The following CACNA1D variants were observed in gnomAD, a reference collection of about 807,000 sequenced individuals.
CACNA1D encodes calcium voltage-gated channel subunit alpha1 D, also known as voltage-dependent L-type calcium channel subunit alpha-1D.
In CACNA1D, 55 loss-of-function variants were observed where a neutral mutation model predicts 257.1. The observed-to-expected ratio is 0.21, with a 90% confidence interval of 0.17 to 0.27. CACNA1D has a LOEUF of 0.27. CACNA1D is among the 10% of genes least tolerant of loss of function. The pLI is 1.00. For synonymous variants in CACNA1D, 980 were observed against 1,014.9 expected (o/e 0.97, Z 0.65); for missense variants, 1,876 against 2,784.0 (o/e 0.67, Z 7.34).
intron 39 of CACNA1D, chr3:53,782,438 G>A (rs1321557336): frequency 4.6e-5 from 7 of 151,950 alleles, no homozygotes; most frequent in East Asian, 1.9e-4. Context: ...TCCTTGGGCC[G>A]GGCACGTGAT....
intron 3 of CACNA1D, among the ~76,000 whole-genome samples, chr3:53,579,934 C>T (rs1353311738): frequency 6.6e-6 from 1 of 152,230 alleles, no homozygotes; most frequent in Non-Finnish European, 1.5e-5. Context: ...CCAGTGGGGC[C>T]AGGGCAGGGC....
chr3:53,646,078 T>A (rs2094017013), intron 3 of CACNA1D, among the ~76,000 whole-genome samples: 1 of 152,198 alleles, frequency 6.6e-6, no homozygotes, highest in Admixed American at 6.5e-5. Context: ...GCAGGCACCC[T>A]TGGTGGATAA....
chr3:53,805,200 TC>T, intron 45 of CACNA1D, 54 bp downstream of exon 45: 1 of 1,555,376 alleles, frequency 6.4e-7, no homozygotes, highest in Non-Finnish European at 8.8e-7. Context: ...AGTGTACCTC[TC>T]CCCCAACCCC....
intron 30 of CACNA1D, 87 bp downstream of exon 30, chr3:53,762,168 C>A: frequency 1.2e-6 from 1 of 847,218 alleles, no homozygotes; most frequent in South Asian, 1.3e-5. Context: ...GTGGCATCAC[C>A]TGGACAAGTC....
At position 53,497,246 on chromosome 3, in the gene CACNA1D, A is replaced by G. The variant is rs769218354; in HGVS notation, c.162A>G (p.Gln54=). Residue 54 remains glutamine (Q), a synonymous_variant, in exon 2 of 48, where the codon CAA becomes CAG. Coordinates refer to ENST00000350061, the MANE Select transcript of CACNA1D (RefSeq NM_001128840.3). ...CCAAGCAAACTGTCCTGTCTTGGCAAGCTGCAATCGATGCTGCTAGACAGG... is the reference window on the plus strand; with the variant it reads ...CCAAGCAAACTGTCCTGTCTTGGCAGGCTGCAATCGATGCTGCTAGACAGG... The part of the protein sequence containing the change: ...NSSKQTVLSW[Q]AAIDAARQAK... The G allele has an allele frequency of 8.1e-6, 13 of 1,614,220 alleles. No individual in the cohort carries two copies. The highest frequency in any genetic ancestry group is 1.1e-5 in the Non-Finnish European group (13 of 1,180,032).
At chr3:53,709,851 G>A (rs757505013) in intron 9 of CACNA1D, among the ~76,000 whole-genome samples, 1 of 152,186 alleles carries the variant, frequency 6.6e-6, no homozygotes. Context: ...ACAACCTTAC[G>A]CAGTACAGGT....
At chr3:53,636,251 T>C (rs1476232795) in intron 3 of CACNA1D, among the ~76,000 whole-genome samples, 1 of 152,132 alleles carries the variant, frequency 6.6e-6, no homozygotes. Flanking sequence ...ATAAATACAT[T>C]GTAACTCTCA....
intron 3 of CACNA1D, among the ~76,000 whole-genome samples, chr3:53,532,750 T>C (rs1316479257): frequency 6.6e-6 from 1 of 152,160 alleles, no homozygotes; most frequent in Non-Finnish European, 1.5e-5. Flanking sequence ...TTTGATGAGG[T>C]AGACACTTTT....
At chr3:53,721,816 A>C (rs1456702446) in intron 11 of CACNA1D, among the ~76,000 whole-genome samples, 1 of 152,202 alleles carries the variant, frequency 6.6e-6, no homozygotes, top group East Asian at 1.9e-4. Flanking sequence ...TTAAAAAAAA[A>C]AAAACTAGCT....
At chr3:53,743,678 T>C (rs2095138908) in intron 22 of CACNA1D, among the ~76,000 whole-genome samples, 1 of 152,214 alleles carries the variant, frequency 6.6e-6, no homozygotes, top group Non-Finnish European at 1.5e-5. Context: ...GGAACAGCCA[T>C]TGCTGAGTAC....
rs2095456203 is a variant in CACNA1D, at chr3:53,786,822, A to G, written c.4793A>G (p.Asp1598Gly). ...LLDQVVPPAG[D>G]DEVTVGKFYA... is the part of the protein sequence containing the mutation. ...AGCTCTGTCTGGTCTCTCCGTTTAG[A>G]TGATGAGGTAACCGTGGGGAAGTTC... The change falls in exon 40 of 48, where the codon GAT becomes GGT. Residue 1598 changes from aspartate (D) to glycine (G), a missense_variant and splice_region_variant. Physicochemically the swap from Asp to Gly is moderately conservative, Grantham distance 94. Around this residue, in one of 10 missense-constraint regions of CACNA1D, gnomAD observed 160 missense variants for 236.6 expected, o/e 0.68. Transcript: ENST00000350061. 1 of 1,586,280 alleles carries G rather than the reference A, an allele frequency of 6.3e-7. No homozygotes were observed. Among genetic ancestry groups the G allele is most frequent in the Non-Finnish European group, 8.6e-7 (1 of 1,162,594 alleles).
chr3:53,667,254 T>C (rs1316090027), intron 7 of CACNA1D, among the ~76,000 whole-genome samples: 2 of 152,208 alleles, frequency 1.3e-5, no homozygotes, highest in African/African-American at 4.8e-5. Flanking sequence ...TTGTTCCTGA[T>C]AGAGCCAGAA....
At chr3:53,602,131 T>C (rs540035316) in intron 3 of CACNA1D, among the ~76,000 whole-genome samples, 1 of 152,316 alleles carries the variant, frequency 6.6e-6, no homozygotes, top group East Asian at 1.9e-4. Context: ...CCCTTCCTGG[T>C]CTCTGATAAC....
intron 3 of CACNA1D, among the ~76,000 whole-genome samples, chr3:53,638,553 C>G (rs541133367): frequency 6.6e-6 from 1 of 152,198 alleles, no homozygotes; most frequent in African/African-American, 2.4e-5. Flanking sequence ...GTTTGCCACA[C>G]GAAGACACTG....
In CACNA1D at chr3:53,743,040, A is replaced by G. The variant is rs1226117306; in HGVS notation, c.2841A>G (p.Lys947=). 21 of 1,613,426 alleles carry G rather than the reference A, an allele frequency of 1.3e-5. No individual in the cohort carries two copies. The highest frequency in any genetic ancestry group is 1.8e-5 in the Non-Finnish European group (21 of 1,179,316). ...KMTTFGAFLH[K]GAFCRNYFNL... ...CAACTTTTGGAGCTTTCCTCCACAA[A>G]GGGGCCTTCTGCAGGAACTACTTCA... is the stretch of plus-strand genomic sequence containing the variant. The change falls in exon 22 of 48, where the codon AAA becomes AAG. Residue 947 remains lysine, a synonymous_variant. Coordinates refer to ENST00000350061, the MANE Select transcript of CACNA1D (RefSeq NM_001128840.3).
At chr3:53,691,938 T>A (rs1348725503) in intron 8 of CACNA1D, among the ~76,000 whole-genome samples, 3 of 93,840 alleles carry the variant, frequency 3.2e-5, no homozygotes, top group Non-Finnish European at 4.2e-5. Flanking sequence ...ATATTATATA[T>A]ATATTTTAAG....
chr3:53,723,238 A>G lies in CACNA1D; in HGVS notation c.1667-196A>G, dbSNP rs988434953. On this transcript the variant is annotated intron_variant, in intron 12 of 47. Coordinates refer to ENST00000350061, the MANE Select transcript of CACNA1D (RefSeq NM_001128840.3). The surrounding 1 kb of genome is among the most constrained non-coding windows in gnomAD (Gnocchi z 5.6). The stretch of plus-strand genomic sequence containing the variant: ...CAGAGTCACACACATAGCTAGTAGC[A>G]GAAGCAGGACCAGAACCTGGTGGAC... Among the ~76,000 whole-genome samples, 2 of 152,178 alleles carry G rather than the reference A, an allele frequency of 1.3e-5. No homozygotes were observed. Among genetic ancestry groups the G allele is most frequent in the Non-Finnish European group, 2.9e-5 (2 of 68,030 alleles).
intron 11 of CACNA1D, among the ~76,000 whole-genome samples, chr3:53,722,032 G>C (rs1307758965): frequency 2.6e-5 from 4 of 152,182 alleles, no homozygotes; most frequent in Non-Finnish European, 5.9e-5. Context: ...ACCCACTTAA[G>C]GGCTGCATAT....
At chr3:53,572,359 T>TTTG (rs1451912619) in intron 3 of CACNA1D, among the ~76,000 whole-genome samples, 1 of 33,580 alleles carries the variant, frequency 3.0e-5, no homozygotes, top group Admixed American at 3.6e-4. Flanking sequence ...CTGCCTCTGG[T>TTTG]TTGTTTGTTT....
Sources: gnomAD v4.1 joint callset for allele counts (sites outside exome capture counted in the v4.1 genomes callset) on GRCh38, gnomAD v4.1.1 for gene constraint, gnomAD v4.1.1 regional missense constraint, Gnocchi (gnomAD v3.1) non-coding constraint, MANE v1.5 for transcripts, NCBI Gene and HGNC (gene_info 2026-07-23, HGNC 2026-07-21) for gene names.